The following ROBO2 variants were observed in gnomAD, a reference collection of about 807,000 sequenced individuals.
ROBO2 encodes the protein roundabout homolog 2.
ROBO2 carries 53 observed loss-of-function variants against 160.8 expected under a neutral mutation model. The observed-to-expected ratio is 0.33, with a 90% CI of 0.26 to 0.41. The LOEUF (loss-of-function observed/expected upper bound fraction) is 0.41, where lower values mean the gene tolerates loss of function less well. ROBO2 is among the 10% of genes least tolerant of loss of function. The probability of loss-of-function intolerance (pLI) is 1.00; values close to 1 mark genes in which losing one functional copy is unlikely to be tolerated. For missense variants in ROBO2, 1,577 were observed against 1,722.4 expected, an observed-to-expected ratio of 0.92 and a Z score of 1.49; for synonymous variants, 664 against 611.7, an observed-to-expected ratio of 1.09 and a Z score of -1.26.
chr3:76,134,344 T>G (rs2071346841), intron 2 of ROBO2, among the ~76,000 whole-genome samples: 1 of 152,030 alleles, frequency 6.6e-6, no homozygotes, highest in African/African-American at 2.4e-5. Flanking sequence ...GTGATGACCC[T>G]CAGTGAGTCA....
intron 2 of ROBO2, among the ~76,000 whole-genome samples, chr3:77,366,164 G>A (rs2070839147): frequency 6.6e-6 from 1 of 152,080 alleles, no homozygotes; most frequent in South Asian, 2.1e-4. Flanking sequence ...TGGATCTTTA[G>A]AAAGAAATAG....
intron 2 of ROBO2, among the ~76,000 whole-genome samples, chr3:77,108,014 A>G (rs886877464): frequency 6.6e-6 from 1 of 151,656 alleles, no homozygotes; most frequent in Admixed American, 6.6e-5. Flanking sequence ...GTGCATATAA[A>G]CATACATATA....
intron 2 of ROBO2, among the ~76,000 whole-genome samples, chr3:75,979,088 C>G (rs1033877129): frequency 2.0e-4 from 31 of 151,624 alleles, no homozygotes; most frequent in Non-Finnish European, 3.4e-4. Context: ...CTGCTCCCAG[C>G]TCAGAGAGGC....
At chr3:76,788,767 A>T (rs1047842674) in intron 2 of ROBO2, among the ~76,000 whole-genome samples, 6 of 151,588 alleles carry the variant, frequency 4.0e-5, no homozygotes, top group African/African-American at 1.5e-4. Context: ...AAAGATGTCC[A>T]CTAATATTTC....
intron 2 of ROBO2, among the ~76,000 whole-genome samples, chr3:77,105,350 G>T (rs75331769): frequency 2.6e-5 from 4 of 152,210 alleles, no homozygotes; most frequent in South Asian, 4.1e-4. Context: ...TTCGTTTTTT[G>T]TAATTTTCTC....
chr3:76,558,301 C>A (rs767670696), intron 2 of ROBO2, among the ~76,000 whole-genome samples: 2 of 151,922 alleles, frequency 1.3e-5, no homozygotes, highest in Non-Finnish European at 2.9e-5. Context: ...TTCCAAGAGG[C>A]ATGAAAATAT....
At chr3:76,507,777 TA>T (rs2080869642) in intron 2 of ROBO2, among the ~76,000 whole-genome samples, 1 of 152,106 alleles carries the variant, frequency 6.6e-6, no homozygotes, top group Non-Finnish European at 1.5e-5. Flanking sequence ...AAGCACATGA[TA>T]AAAACACGAT....
At chr3:77,197,043 T>C (rs2082376215) in intron 2 of ROBO2, among the ~76,000 whole-genome samples, 1 of 152,064 alleles carries the variant, frequency 6.6e-6, no homozygotes, top group South Asian at 2.1e-4. Context: ...ACCCTCCAAT[T>C]GTTCAAGCAG....
At chr3:77,170,019 G>A (rs1436233582) in intron 2 of ROBO2, among the ~76,000 whole-genome samples, 4 of 152,168 alleles carry the variant, frequency 2.6e-5, no homozygotes, top group Admixed American at 2.0e-4. Flanking sequence ...TGACACCGGG[G>A]AAGCTTCATA....
At chr3:77,357,542 C>A (rs1395785412) in intron 2 of ROBO2, among the ~76,000 whole-genome samples, 1 of 152,130 alleles carries the variant, frequency 6.6e-6, no homozygotes, top group Non-Finnish European at 1.5e-5. Context: ...CTCAGGTATT[C>A]TATCATAGCA....
chr3:76,773,839 G>T (rs1029650672), intron 2 of ROBO2, among the ~76,000 whole-genome samples: 1 of 150,644 alleles, frequency 6.6e-6, no homozygotes, highest in Non-Finnish European at 1.5e-5. Context: ...AGAATACAAA[G>T]AAACTGGATT....
At chr3:76,353,746 G>A (rs571249348) in intron 2 of ROBO2, among the ~76,000 whole-genome samples, 83 of 152,054 alleles carry the variant, frequency 5.5e-4, no homozygotes, top group African/African-American at 2.0e-3. Flanking sequence ...TATTGGATGG[G>A]TTCAGGAGGA....
At position 77,442,903 on chromosome 3, in the gene ROBO2, A is replaced by G. The variant is rs1300440988; in HGVS notation, c.389-34511A>G. Among the ~76,000 whole-genome samples, 14 of 152,336 alleles carry G rather than the reference A, an allele frequency of 9.2e-5. No homozygotes were observed. In the East Asian group the frequency reaches 2.1e-3, roughly 23 times the overall value. On this transcript the variant is annotated intron_variant, in intron 2 of 25. Transcript: ENST00000461745. ...ATAATAAACACCTGAATTTTACATC[A>G]GTGCTCAGAAAGAGTGGACTCCAAC...
At position 76,458,470 on chromosome 3, in the gene ROBO2, C is replaced by T. The variant is rs189017287; in HGVS notation, c.109+520868C>T. Among the ~76,000 whole-genome samples the T allele has an allele frequency of 5.6e-3, 860 of 152,256 alleles. 10 individuals carry two copies. The highest frequency in any genetic ancestry group is 0.019 in the African/African-American group (808 of 41,556). ...TTGGGCAAAGCCATTCAACATGTCT[C>T]TAGGAAATTCGAAACTTTCCCACAT... On this transcript the variant is annotated intron_variant, in intron 2 of 26. Coordinates refer to the ROBO2 transcript ENST00000487694.
chr3:76,514,915 C>G (rs943890779), intron 2 of ROBO2, among the ~76,000 whole-genome samples: 2 of 152,190 alleles, frequency 1.3e-5, no homozygotes, highest in African/African-American at 4.8e-5. Flanking sequence ...ATGACACACA[C>G]ATTAGCCCTT....
At chr3:76,196,210 T>C (rs1702254739) in intron 2 of ROBO2, among the ~76,000 whole-genome samples, 1 of 152,134 alleles carries the variant, frequency 6.6e-6, no homozygotes. Flanking sequence ...TGGTTATCAA[T>C]GGTGCAAGCT....
At chr3:76,256,650 GC>G (rs1310434585) in intron 2 of ROBO2, among the ~76,000 whole-genome samples, 1 of 152,054 alleles carries the variant, frequency 6.6e-6, no homozygotes, top group Non-Finnish European at 1.5e-5. Flanking sequence ...TGCTGAGGCT[GC>G]AGTGAACCAT....
intron 2 of ROBO2, among the ~76,000 whole-genome samples, chr3:76,346,543 T>A (rs2074542775): frequency 6.6e-6 from 1 of 152,150 alleles, no homozygotes; most frequent in Non-Finnish European, 1.5e-5. Flanking sequence ...TGGCATGTAG[T>A]CTACAGTTGC....
chr3:76,199,924 G>A (rs1211537502), intron 2 of ROBO2, among the ~76,000 whole-genome samples: 1 of 152,064 alleles, frequency 6.6e-6, no homozygotes, highest in African/African-American at 2.4e-5. Flanking sequence ...AAGTAATAGT[G>A]GCTGACTGTC....
Sources: gnomAD v4.1 joint callset for allele counts (sites outside exome capture counted in the v4.1 genomes callset) on GRCh38, gnomAD v4.1.1 for gene constraint, MANE v1.5 for transcripts, NCBI Gene and HGNC (gene_info 2026-07-23, HGNC 2026-07-21) for gene names.